CNTNAP2: variants seen among roughly 807,000 people sequenced by gnomAD.
The protein encoded by CNTNAP2 is contactin associated protein 2.
CNTNAP2 carries 98 observed loss-of-function variants against 155.2 expected under a neutral mutation model. The observed-to-expected ratio is 0.63, with a 90% CI of 0.54 to 0.75. The LOEUF (loss-of-function observed/expected upper bound fraction) is 0.75, where lower values mean the gene tolerates loss of function less well. Among genes scored for constraint, CNTNAP2 ranks in the 30% least tolerant of loss-of-function variants. The probability of loss-of-function intolerance (pLI) is 0.00; values close to 1 mark genes in which losing one functional copy is unlikely to be tolerated. For missense variants in CNTNAP2, 1,727 were observed against 1,688.1 expected (o/e 1.02, Z -0.40); for synonymous variants, 651 against 631.2 (o/e 1.03, Z -0.47).
chr7:146,468,644 G>T (rs1279526566), intron 1 of CNTNAP2, among the ~76,000 whole-genome samples: 2 of 152,000 alleles, frequency 1.3e-5, no homozygotes, highest in African/African-American at 4.8e-5. Flanking sequence ...TTGTTTGTTT[G>T]TTTGTTTTTA....
chr7:146,581,369 T>C (rs1434738332), intron 1 of CNTNAP2, among the ~76,000 whole-genome samples: 1 of 152,134 alleles, frequency 6.6e-6, no homozygotes, highest in Non-Finnish European at 1.5e-5. Flanking sequence ...TGCAATAATA[T>C]GCAATGCTTC....
At chr7:146,618,017 A>AT (rs1371648440) in intron 1 of CNTNAP2, among the ~76,000 whole-genome samples, 1 of 152,112 alleles carries the variant, frequency 6.6e-6, no homozygotes, top group Admixed American at 6.5e-5. Context: ...CTTAGGGTTA[A>AT]TTTTTTAAAA....
Position 146,116,954 on chromosome 7 carries a change from G to A in CNTNAP2, c.78G>A (p.Trp26Ter), listed in dbSNP as rs1440926389. Residue 26 changes from tryptophan (W) to a stop codon, truncating the protein, a stop_gained, in exon 1 of 24, where the codon TGG becomes TGA. Coordinates refer to ENST00000361727, the MANE Select transcript of CNTNAP2 (RefSeq NM_014141.6). LOFTEE classifies it high-confidence loss of function. This position sits in a 1 kb window ranked among gnomAD's most constrained non-coding sequence, Gnocchi z 5.5. The stretch of plus-strand genomic sequence containing the variant: ...TCAGCAGCTGCCTCTGCAGAGCCTG[G>A]ACGGCTCCCTCCACGTCCCGTAAGT... ...WIVSSCLCRA[W>*]TAPSTSQKCD... is the part of the protein sequence containing the mutation. 3 of 1,552,022 alleles carry A rather than the reference G, an allele frequency of 1.9e-6. No individual in the cohort carries two copies. The highest frequency in any genetic ancestry group is 2.6e-6 in the Non-Finnish European group (3 of 1,147,604).
chr7:147,043,239 C>T (rs1479144363), intron 3 of CNTNAP2, among the ~76,000 whole-genome samples: 1 of 151,334 alleles, frequency 6.6e-6, no homozygotes, highest in African/African-American at 2.4e-5. Context: ...CCAAAAAATC[C>T]ATTTGTTCTC....
chr7:147,609,078 G>C (rs375872420), intron 12 of CNTNAP2, among the ~76,000 whole-genome samples: 16 of 152,284 alleles, frequency 1.1e-4, no homozygotes, highest in African/African-American at 3.9e-4. Flanking sequence ...TGATGGCTTA[G>C]CTTGTGCTCA....
intron 13 of CNTNAP2, among the ~76,000 whole-genome samples, chr7:147,763,816 A>G (rs1286981458): frequency 6.6e-6 from 1 of 152,140 alleles, no homozygotes; most frequent in African/African-American, 2.4e-5. Flanking sequence ...TGAGAAGAAT[A>G]TTCTTGCTTG....
chr7:148,119,434 A>G (rs1219470611), intron 16 of CNTNAP2, among the ~76,000 whole-genome samples: 1 of 151,922 alleles, frequency 6.6e-6, no homozygotes, highest in Non-Finnish European at 1.5e-5. Flanking sequence ...TGGGAGGCTG[A>G]GGCAGGAGAA....
chr7:147,991,373 T>C (rs115149875), intron 15 of CNTNAP2, among the ~76,000 whole-genome samples: 10,185 of 149,562 alleles, frequency 0.068, 764 homozygotes, highest in African/African-American at 0.19. Context: ...AGGCAGTGCA[T>C]GAGGCACTTC....
intron 14 of CNTNAP2, among the ~76,000 whole-genome samples, chr7:147,948,818 C>T (rs1413343469): frequency 6.6e-6 from 1 of 152,014 alleles, no homozygotes; most frequent in African/African-American, 2.4e-5. Context: ...TTACCCATAA[C>T]ATAAACAATC....
chr7:148,297,165 A>AAAGGAAGGAAGGAAGG (rs141074994), intron 21 of CNTNAP2, among the ~76,000 whole-genome samples: 23,163 of 128,618 alleles, frequency 0.18, 2,496 homozygotes, highest in Non-Finnish European at 0.21. Context: ...GAGATAGAGA[A>AAAGGAAGGAAGGAAGG]AAGGAAGGAA....
At chr7:147,374,085 C>T (rs1357315901) in intron 9 of CNTNAP2, among the ~76,000 whole-genome samples, 3 of 151,874 alleles carry the variant, frequency 2.0e-5, no homozygotes, top group East Asian at 1.9e-4. Context: ...AGATGAATCT[C>T]GAATATTTCA....
At chr7:147,505,250 T>G (rs1798886504) in intron 11 of CNTNAP2, among the ~76,000 whole-genome samples, 1 of 152,062 alleles carries the variant, frequency 6.6e-6, no homozygotes, top group Middle Eastern at 3.2e-3. Flanking sequence ...AAATTAAAGG[T>G]GTTGGGAAAG....
At chr7:147,359,668 C>A (rs1479495956) in intron 9 of CNTNAP2, among the ~76,000 whole-genome samples, 1 of 152,130 alleles carries the variant, frequency 6.6e-6, no homozygotes, top group African/African-American at 2.4e-5. Flanking sequence ...GCCCCAGGAT[C>A]TTTGCACTTC....
intron 21 of CNTNAP2, among the ~76,000 whole-genome samples, chr7:148,273,144 C>G (rs1796812435): frequency 6.6e-6 from 1 of 152,192 alleles, no homozygotes; most frequent in Admixed American, 6.5e-5. Flanking sequence ...TCAACAAAGG[C>G]TAAACGGAAA....
chr7:146,717,565 G>A (rs1432200407), intron 1 of CNTNAP2, among the ~76,000 whole-genome samples: 1 of 151,958 alleles, frequency 6.6e-6, no homozygotes, highest in Non-Finnish European at 1.5e-5. Context: ...CAAATAAGCT[G>A]CTTAATTTTA....
chr7:148,174,705 T>C (rs887540522), intron 18 of CNTNAP2, among the ~76,000 whole-genome samples: 24 of 152,150 alleles, frequency 1.6e-4, no homozygotes, highest in Non-Finnish European at 5.9e-5. Context: ...ATATTAACTG[T>C]GGTTATTTTT....
At chr7:146,242,852 A>G (rs6948325) in intron 1 of CNTNAP2, among the ~76,000 whole-genome samples, 19,331 of 152,178 alleles carry the variant, frequency 0.13, 3,479 homozygotes, top group African/African-American at 0.4. Flanking sequence ...CATTTAGAAG[A>G]TGATGTCATC....
At chr7:148,413,847 T>C in intron 23 of CNTNAP2, among the ~76,000 whole-genome samples, 1 of 146,338 alleles carries the variant, frequency 6.8e-6, no homozygotes, top group South Asian at 2.2e-4. Context: ...AACAACCTTG[T>C]CCTTTGTCTC....
intron 10 of CNTNAP2, among the ~76,000 whole-genome samples, chr7:147,432,935 T>G (rs1584945680): frequency 6.6e-6 from 1 of 152,294 alleles, no homozygotes; most frequent in East Asian, 1.9e-4. Context: ...TATTTGAATA[T>G]TTATCACACC....
Sources: allele counts gnomAD v4.1 joint callset (sites outside exome capture counted in the v4.1 genomes callset), GRCh38; gene constraint gnomAD v4.1.1; non-coding constraint Gnocchi (gnomAD v3.1); transcripts MANE v1.5; gene names NCBI Gene and HGNC (gene_info 2026-07-23, HGNC 2026-07-21).